Variants in PHACTR3 observed in about 807,000 individuals in gnomAD.
PHACTR3 encodes the protein protein phosphatase 1, regulatory subunit 123.
A neutral mutation model predicts 66.8 loss-of-function variants in PHACTR3; 16 were observed. The observed-to-expected ratio is 0.24, with a 90% CI of 0.16 to 0.36. The LOEUF is 0.36. Ranked by LOEUF, PHACTR3 falls within the 10% of genes least tolerant of loss-of-function variation. The pLI is 1.00. For missense variants in PHACTR3, 647 were observed against 719.9 expected, an observed-to-expected ratio of 0.90 and a Z score of 1.16; for synonymous variants, 323 against 292.1, an observed-to-expected ratio of 1.11 and a Z score of -1.08.
At chr20:59,742,530 T>C (rs1435767849) in intron 1 of PHACTR3, among the ~76,000 whole-genome samples, 1 of 152,110 alleles carries the variant, frequency 6.6e-6, no homozygotes, top group Non-Finnish European at 1.5e-5. Context: ...GGCTCTGCGT[T>C]GGGTTCCAAG....
At chr20:59,689,602 A>G (rs6027043) in intron 1 of PHACTR3, among the ~76,000 whole-genome samples, 7,081 of 152,272 alleles carry the variant, frequency 0.047, 557 homozygotes, top group African/African-American at 0.16. Flanking sequence ...AGACATAGCC[A>G]GTGAAACAAT....
chr20:59,682,173 C>T (rs1278903043), intron 1 of PHACTR3, among the ~76,000 whole-genome samples: 3 of 152,090 alleles, frequency 2.0e-5, no homozygotes, highest in African/African-American at 7.2e-5. Flanking sequence ...AACCCCGTCT[C>T]TACTAAAAAT....
At chr20:59,813,941 C>A (rs1407602552) in intron 8 of PHACTR3, among the ~76,000 whole-genome samples, 1 of 152,226 alleles carries the variant, frequency 6.6e-6, no homozygotes, top group Non-Finnish European at 1.5e-5. Context: ...GTGTTTTTAG[C>A]CACTTCCACA....
chr20:59,590,905 T>C (rs917586118), intron 1 of PHACTR3, among the ~76,000 whole-genome samples: 5 of 152,160 alleles, frequency 3.3e-5, no homozygotes, highest in African/African-American at 1.2e-4. Flanking sequence ...GGGGCCCTCA[T>C]GACCTAATCA....
chr20:59,834,488 C>A (rs1202544232), intron 8 of PHACTR3, among the ~76,000 whole-genome samples: 1 of 152,196 alleles, frequency 6.6e-6, no homozygotes, highest in Non-Finnish European at 1.5e-5. Flanking sequence ...ATTTCTCTTC[C>A]TTTACCTAAT....
At chr20:59,726,532 T>G (rs1431735203) in intron 1 of PHACTR3, among the ~76,000 whole-genome samples, 3 of 152,186 alleles carry the variant, frequency 2.0e-5, no homozygotes, top group Non-Finnish European at 4.4e-5. Context: ...ACCCCTGCTC[T>G]TATAGGTTGG....
chr20:59,798,052 G>T (rs1477143934), intron 7 of PHACTR3, among the ~76,000 whole-genome samples: 1 of 152,166 alleles, frequency 6.6e-6, no homozygotes, highest in Non-Finnish European at 1.5e-5. Context: ...CACAGACAAG[G>T]TGGTAATAAA....
At chr20:59,629,255 C>G (rs1462685930) in intron 1 of PHACTR3, among the ~76,000 whole-genome samples, 1 of 152,194 alleles carries the variant, frequency 6.6e-6, no homozygotes, top group African/African-American at 2.4e-5. Flanking sequence ...GGGGCAGCCT[C>G]CTCCTGGCCC....
chr20:59,603,845 C>T (rs1600894293), upstream of PHACTR3: 1 of 153,342 alleles, frequency 6.5e-6, no homozygotes, highest in Non-Finnish European at 1.4e-5. Context: ...TTTCTTCCTT[C>T]CCTGCCCTGG....
intron 1 of PHACTR3, among the ~76,000 whole-genome samples, chr20:59,623,498 C>T (rs2034335809): frequency 6.6e-6 from 1 of 152,248 alleles, no homozygotes; most frequent in Admixed American, 6.5e-5. Flanking sequence ...ACGACAGCTG[C>T]TGATGGCTTT....
chr20:59,622,981 C>CAAAAAAAAAAAAAAAAAAAAAAAAA (rs71183177), intron 1 of PHACTR3, among the ~76,000 whole-genome samples: 804 of 32,160 alleles, frequency 0.025, 277 homozygotes, highest in Non-Finnish European at 0.029. Flanking sequence ...CAGCTTTAAC[C>CAAAAAAAAAAAAAAAAAAAAAAAAA]AAAAAAAAAA....
intron 4 of PHACTR3, among the ~76,000 whole-genome samples, chr20:59,758,402 TAAAGTA>T (rs1162909260): frequency 2.0e-5 from 3 of 152,204 alleles, no homozygotes; most frequent in African/African-American, 7.2e-5. Context: ...TAAATTCACT[TAAAGTA>T]AAATATAGCA....
At chr20:59,756,839 G>A (rs529547334) in intron 4 of PHACTR3, among the ~76,000 whole-genome samples, 8 of 151,732 alleles carry the variant, frequency 5.3e-5, no homozygotes, top group Non-Finnish European at 1.2e-4. Context: ...ACCAAGCAAT[G>A]GCAACAAAAG....
intron 1 of PHACTR3, among the ~76,000 whole-genome samples, chr20:59,643,380 C>G (rs1352506989): frequency 6.6e-6 from 1 of 152,056 alleles, no homozygotes; most frequent in Non-Finnish European, 1.5e-5. Flanking sequence ...TTTAAATGAG[C>G]CTTAAGGAAG....
intron 1 of PHACTR3, among the ~76,000 whole-genome samples, chr20:59,728,083 A>G (rs2038629235): frequency 6.6e-6 from 1 of 152,236 alleles, no homozygotes; most frequent in South Asian, 2.1e-4. Context: ...AGTGGCATTT[A>G]GTACATTCAT....
intron 7 of PHACTR3, among the ~76,000 whole-genome samples, chr20:59,792,829 A>G (rs546995668): frequency 6.6e-6 from 1 of 152,232 alleles, no homozygotes; most frequent in East Asian, 1.9e-4. Context: ...TTATACCAAA[A>G]TATTGTTTGG....
chr20:59,716,254 G>A (rs2038088620), intron 1 of PHACTR3, among the ~76,000 whole-genome samples: 1 of 106,238 alleles, frequency 9.4e-6, no homozygotes, highest in Non-Finnish European at 2.0e-5. Context: ...GTGTGTGTGT[G>A]TGTGTGTGTT....
chr20:59,616,848 ATTT>A (rs912507596), intron 1 of PHACTR3, among the ~76,000 whole-genome samples: 2 of 150,212 alleles, frequency 1.3e-5, no homozygotes, highest in South Asian at 4.2e-4. Flanking sequence ...AATTTAGCTC[ATTT>A]TTTTTTAATG....
chr20:59,816,771 T>C (rs898082665), intron 8 of PHACTR3, among the ~76,000 whole-genome samples: 1 of 152,204 alleles, frequency 6.6e-6, no homozygotes, highest in African/African-American at 2.4e-5. Context: ...GGTTGGGTAG[T>C]TAGATGGATG....
Sources: allele counts gnomAD v4.1 joint callset (sites outside exome capture counted in the v4.1 genomes callset), GRCh38; gene constraint gnomAD v4.1.1; transcripts MANE v1.5; gene names NCBI Gene and HGNC (gene_info 2026-07-23, HGNC 2026-07-21).